The following MRTFB variants were observed in gnomAD, a reference collection of about 807,000 sequenced individuals.
MRTFB encodes the protein myocardin related transcription factor B.
A neutral mutation model predicts 104.2 loss-of-function variants in MRTFB; 29 were observed. That is an observed-to-expected ratio of 0.28 (90% CI 0.21 to 0.38). The LOEUF (loss-of-function observed/expected upper bound fraction) is 0.38. Among genes scored for constraint, MRTFB ranks in the 10% least tolerant of loss-of-function variants. MRTFB has a pLI of 1.00. For synonymous variants in MRTFB, 535 were observed against 519.5 expected, an observed-to-expected ratio of 1.03 and a Z score of -0.41; for missense variants, 1,270 against 1,341.6, an observed-to-expected ratio of 0.95 and a Z score of 0.83.
intron 6 of MRTFB, among the ~76,000 whole-genome samples, chr16:14,215,611 C>T (rs1402112679): frequency 1.3e-5 from 2 of 152,180 alleles, no homozygotes; most frequent in Non-Finnish European, 2.9e-5. Context: ...TAGATCTTAA[C>T]CAGAGGCATT....
At chr16:14,226,312 A>G (rs757331146) in intron 8 of MRTFB, among the ~76,000 whole-genome samples, 14 of 152,232 alleles carry the variant, frequency 9.2e-5, no homozygotes, top group Non-Finnish European at 2.1e-4. Context: ...TACTACAAAG[A>G]CACAGTAATT....
chr16:14,182,310 T>C (rs1015374021), intron 3 of MRTFB, among the ~76,000 whole-genome samples: 3 of 152,010 alleles, frequency 2.0e-5, no homozygotes, highest in Non-Finnish European at 4.4e-5. Flanking sequence ...GCAGTGGCAG[T>C]GGTGATGTAT....
At chr16:14,172,892 T>C (rs72785417) in intron 3 of MRTFB, among the ~76,000 whole-genome samples, 7,478 of 152,230 alleles carry the variant, frequency 0.049, 462 homozygotes, top group East Asian at 0.31. Flanking sequence ...CATATTGGGG[T>C]GATTAGCCTT....
chr16:14,117,130 TG>T (rs1489825601), intron 2 of MRTFB, among the ~76,000 whole-genome samples: 1 of 152,208 alleles, frequency 6.6e-6, no homozygotes, highest in East Asian at 1.9e-4. Flanking sequence ...CTTTTGCCTT[TG>T]GGCCATCCCC....
intron 10 of MRTFB, chr16:14,241,219 CAATG>C (rs2042753375): frequency 6.3e-6 from 1 of 159,312 alleles, no homozygotes; most frequent in Non-Finnish European, 1.4e-5. Context: ...CGTCTGGAGA[CAATG>C]AAGAGCTCTG....
At chr16:14,082,843 T>C (rs949182441) in intron 2 of MRTFB, among the ~76,000 whole-genome samples, 1 of 152,168 alleles carries the variant, frequency 6.6e-6, no homozygotes, top group Non-Finnish European at 1.5e-5. Context: ...TGGCTGTTCA[T>C]ATCCTTTGGT....
chr16:14,162,460 A>G lies in MRTFB; in HGVS notation c.154+21700A>G, dbSNP rs180750797. ...TGTTCATAGCAGCACTATTTGTTGT[A>G]GAGAAAGACTGTAAACTACCCAAAT... is the stretch of plus-strand genomic sequence containing the variant. On this transcript the variant is annotated intron_variant, in intron 3 of 16. Coordinates refer to ENST00000571589, the MANE Select transcript of MRTFB (RefSeq NM_001308142.2). Among the ~76,000 whole-genome samples the G allele has an allele frequency of 2.5e-4, 38 of 152,320 alleles. No homozygotes were observed. The East Asian group carries it at 6.5e-3, about 26-fold the overall frequency.
intron 3 of MRTFB, among the ~76,000 whole-genome samples, chr16:14,194,504 A>G (rs57907996): frequency 0.089 from 13,556 of 152,202 alleles, 1,246 homozygotes; most frequent in African/African-American, 0.23. Context: ...GCTTCCATGT[A>G]GGAATTTGAG....
At chr16:14,045,139 C>A in the MRTFB span, among the ~76,000 whole-genome samples, 2 of 152,184 alleles carry the variant, frequency 1.3e-5, no homozygotes, top group African/African-American at 4.8e-5. Context: ...TCACCATCAG[C>A]ACCTTCTATA....
chr16:14,246,062 CTCT>C (rs1221115747), intron 11 of MRTFB, among the ~76,000 whole-genome samples: 1 of 152,166 alleles, frequency 6.6e-6, no homozygotes, highest in Non-Finnish European at 1.5e-5. Context: ...TTCAGCCTCT[CTCT>C]TCTTTGCCTC....
chr16:14,143,140 A>C (rs1235103537), intron 3 of MRTFB: 1 of 147,124 alleles, frequency 6.8e-6, no homozygotes, highest in African/African-American at 2.5e-5. Flanking sequence ...TAACATGTGC[A>C]TGATTTGGCA....
intron 2 of MRTFB, among the ~76,000 whole-genome samples, chr16:14,116,446 C>T (rs1161720889): frequency 6.6e-6 from 1 of 152,142 alleles, no homozygotes; most frequent in Non-Finnish European, 1.5e-5. Flanking sequence ...GCATCTCAAC[C>T]TTAGCACTAT....
the MRTFB span, among the ~76,000 whole-genome samples, chr16:14,046,909 T>G: frequency 6.6e-6 from 1 of 152,248 alleles, no homozygotes; most frequent in African/African-American, 2.4e-5. Context: ...ACATATTGAC[T>G]CATTTAATCC....
At chr16:14,210,333 T>TAG in intron 4 of MRTFB, 25 bp downstream of exon 4, 1 of 1,591,996 alleles carries the variant, frequency 6.3e-7, no homozygotes, top group Non-Finnish European at 8.6e-7. Context: ...ATCACTGCCA[T>TAG]CCCTAACGTG....
chr16:14,243,864 G>GTTTTTTTTTTGTTTTGTTTTGT (rs2042890996), intron 10 of MRTFB, among the ~76,000 whole-genome samples: 3 of 124,676 alleles, frequency 2.4e-5, no homozygotes, highest in African/African-American at 7.6e-5. Context: ...CCTGTTTTGG[G>GTTTTTTTTTTGTTTTGTTTTGT]TTTTTTTTTT....
chr16:14,225,644 G>A (rs891653009), intron 8 of MRTFB, among the ~76,000 whole-genome samples: 1 of 151,652 alleles, frequency 6.6e-6, no homozygotes, highest in Non-Finnish European at 1.5e-5. Context: ...GTCCACACCT[G>A]CCATCCAGAA....
chr16:14,008,944 G>GTTTAGTTAGGTGTTTATTTATTGATT, the MRTFB span, among the ~76,000 whole-genome samples: 1 of 149,650 alleles, frequency 6.7e-6, no homozygotes, highest in Non-Finnish European at 1.5e-5. Context: ...AAAATTTTAT[G>GTTTAGTTAGGTGTTTATTTATTGATT]TATTTATTTA....
chr16:14,234,012 G>C (rs770837303), intron 8 of MRTFB, 134 bp from the exon 9 acceptor site: 1 of 1,085,620 alleles, frequency 9.2e-7, no homozygotes, highest in African/African-American at 1.6e-5. Flanking sequence ...TCTGGCCTCA[G>C]ACATAATCAT....
intron 2 of MRTFB, among the ~76,000 whole-genome samples, chr16:14,133,794 T>C (rs961039955): frequency 5.3e-5 from 8 of 152,224 alleles, no homozygotes; most frequent in Non-Finnish European, 8.8e-5. Flanking sequence ...AATTGCCAAA[T>C]ATGGAAATCA....
Sources: allele counts gnomAD v4.1 joint callset (sites outside exome capture counted in the v4.1 genomes callset), GRCh38; gene constraint gnomAD v4.1.1; transcripts MANE v1.5; gene names NCBI Gene and HGNC (gene_info 2026-07-23, HGNC 2026-07-21).